EML6: variants seen among roughly 807,000 people sequenced by gnomAD.
EML6 encodes the protein EMAP like 6, also known as echinoderm microtubule-associated protein-like 6.
Under a neutral mutation model 240.1 loss-of-function variants are expected in EML6, and 154 were observed. That is an observed-to-expected ratio of 0.64 (90% CI 0.56 to 0.73). The LOEUF (loss-of-function observed/expected upper bound fraction) is 0.73. EML6 is among the 30% of genes least tolerant of loss of function. The pLI is 0.00. For missense variants in EML6, 2,964 were observed against 2,474.6 expected, an observed-to-expected ratio of 1.20 and a Z score of -4.20; for synonymous variants, 1,148 against 899.0, an observed-to-expected ratio of 1.28 and a Z score of -4.95.
At chr2:54,804,735 T>A (rs2103992404) in intron 2 of EML6, among the ~76,000 whole-genome samples, 1 of 152,366 alleles carries the variant, frequency 6.6e-6, no homozygotes, top group East Asian at 1.9e-4. Context: ...TAGTCTTTCC[T>A]ATCTGCAATC....
At chr2:54,951,416 C>T (rs914696120) in intron 30 of EML6, among the ~76,000 whole-genome samples, 2 of 151,922 alleles carry the variant, frequency 1.3e-5, no homozygotes, top group Non-Finnish European at 2.9e-5. Context: ...GCCTGTAGTC[C>T]CAGCTACTCA....
intron 2 of EML6, among the ~76,000 whole-genome samples, chr2:54,757,882 C>CTT (rs201468444): frequency 1.4e-5 from 2 of 140,938 alleles, no homozygotes; most frequent in Non-Finnish European, 1.6e-5. Context: ...TTTCCAGCTC[C>CTT]TTTTTTTTTT....
chr2:54,946,714 T>G (rs547626084), intron 28 of EML6, among the ~76,000 whole-genome samples: 1 of 152,314 alleles, frequency 6.6e-6, no homozygotes, highest in South Asian at 2.1e-4. Context: ...CACAGGTGTT[T>G]GGTGAACATC....
At chr2:54,907,933 T>TA (rs1365860946) in intron 24 of EML6, among the ~76,000 whole-genome samples, 18 of 41,870 alleles carry the variant, frequency 4.3e-4, no homozygotes, top group African/African-American at 1.4e-3. Context: ...GATAGATAGA[T>TA]AGATAGATAG....
chr2:54,802,154 T>C (rs1032138036), intron 2 of EML6, among the ~76,000 whole-genome samples: 5 of 152,206 alleles, frequency 3.3e-5, no homozygotes, highest in Admixed American at 2.0e-4. Flanking sequence ...CCTGCCCTCC[T>C]GTAGCTAACA....
intron 7 of EML6, among the ~76,000 whole-genome samples, chr2:54,835,774 C>A (rs1334755853): frequency 6.6e-6 from 1 of 152,066 alleles, no homozygotes; most frequent in Non-Finnish European, 1.5e-5. Context: ...AGAGTTGCGA[C>A]TGGCATCTAT....
chr2:54,841,067 C>T (rs979108233), intron 7 of EML6, among the ~76,000 whole-genome samples: 4 of 149,066 alleles, frequency 2.7e-5, no homozygotes, highest in Admixed American at 2.0e-4. Context: ...AATGAAACCC[C>T]GAAAAGGGTA....
At chr2:54,890,454 T>G (rs1165748346) in intron 17 of EML6, among the ~76,000 whole-genome samples, 1 of 152,186 alleles carries the variant, frequency 6.6e-6, no homozygotes, top group Non-Finnish European at 1.5e-5. Context: ...TGCACTTATG[T>G]TTGTCCTTCT....
rs142925701 is a variant in EML6 at position 54,892,491 on chromosome 2, C to T, written c.2577C>T (p.Ser859=). 102 of 1,551,292 alleles carry T rather than the reference C, an allele frequency of 6.6e-5. No homozygotes were observed. The African/African-American group carries it at 6.7e-4, about 10-fold the overall frequency. The stretch of plus-strand genomic sequence containing the variant: ...CTTCTAAAAGAGGAACTTTTGGAAG[C>T]GTTGGAAAATTGGAAACAATGATGT... ...GFTSKRGTFG[S]VGKLETMMCV... The change falls in exon 19 of 42, where the codon AGC becomes AGT. Residue 859 remains serine (S), a synonymous_variant. Transcript: ENST00000356458.
At chr2:54,964,229 G>A (rs1025202127) in intron 37 of EML6, 71 bp downstream of exon 37, 2 of 1,461,198 alleles carry the variant, frequency 1.4e-6, no homozygotes, top group African/African-American at 2.8e-5. Flanking sequence ...TCCCATTCCA[G>A]CCACGGCTGG....
At chr2:54,843,946 G>A in intron 7 of EML6, 101 bp from the exon 8 acceptor site, 1 of 871,472 alleles carries the variant, frequency 1.1e-6, no homozygotes, top group South Asian at 1.6e-5. Flanking sequence ...CTGGTTAAAG[G>A]GCATTTACTT....
chr2:54,938,883 G>T (rs1423688422), intron 28 of EML6, among the ~76,000 whole-genome samples: 2 of 152,160 alleles, frequency 1.3e-5, no homozygotes, highest in South Asian at 2.1e-4. Context: ...CATTTCTGTT[G>T]GTGGGAGACC....
chr2:54,889,805 T>C (rs1047489750), intron 17 of EML6, among the ~76,000 whole-genome samples: 1 of 152,254 alleles, frequency 6.6e-6, no homozygotes, highest in Non-Finnish European at 1.5e-5. Context: ...AATACGATGT[T>C]AAATGGTAGT....
intron 28 of EML6, among the ~76,000 whole-genome samples, chr2:54,931,617 C>G (rs557804949): frequency 6.6e-6 from 1 of 152,146 alleles, no homozygotes; most frequent in Non-Finnish European, 1.5e-5. Context: ...TTGGTGTTCC[C>G]GTCATCGTGC....
chr2:54,760,830 T>G lies in EML6; in HGVS notation c.197+35572T>G, dbSNP rs541542415. Reference sequence around the variant, plus strand: ...TTTGAAGTTGAGGGAGCATTTTTTTTTTTTTTTTTTTTTTTACTAGAAAAA... The same window carrying G: ...TTTGAAGTTGAGGGAGCATTTTTTTGTTTTTTTTTTTTTTTACTAGAAAAA... On this transcript the variant is annotated intron_variant, in intron 2 of 41. Transcript: ENST00000356458. 2.9e-5 allele frequency among the ~76,000 whole-genome samples: 4 copies of G among 135,918 alleles called. No homozygotes were observed. In the East Asian group the frequency reaches 1.2e-3, roughly 41 times the overall value. The allele number at this position is 135,918 out of a possible 152,430, so 89.2% of individuals were successfully genotyped here.
At chr2:54,750,760 C>G (rs765817439) in intron 2 of EML6, among the ~76,000 whole-genome samples, 1 of 152,138 alleles carries the variant, frequency 6.6e-6, no homozygotes. Context: ...GCTTTCCTAG[C>G]AACAGATTGT....
At chr2:54,785,953 GTA>G (rs1669063782) in intron 2 of EML6, among the ~76,000 whole-genome samples, 1 of 151,588 alleles carries the variant, frequency 6.6e-6, no homozygotes, top group South Asian at 2.1e-4. Context: ...ATATATATTT[GTA>G]TGTGTGTGTG....
chr2:54,767,967 T>C (rs887758589), intron 2 of EML6, among the ~76,000 whole-genome samples: 2 of 152,152 alleles, frequency 1.3e-5, no homozygotes, highest in Non-Finnish European at 2.9e-5. Context: ...TGCAAACATC[T>C]GCATGAGATC....
intron 28 of EML6, among the ~76,000 whole-genome samples, chr2:54,938,904 C>T (rs1322184251): frequency 1.3e-5 from 2 of 152,148 alleles, no homozygotes; most frequent in Non-Finnish European, 2.9e-5. Flanking sequence ...TGGGAGTTGC[C>T]TTAAGAACTG....
Sources: gnomAD v4.1 joint callset for allele counts (sites outside exome capture counted in the v4.1 genomes callset) on GRCh38, gnomAD v4.1.1 for gene constraint, MANE v1.5 for transcripts, NCBI Gene and HGNC (gene_info 2026-07-23, HGNC 2026-07-21) for gene names.